The following CEP85L variants were observed in gnomAD, a reference collection of about 807,000 sequenced individuals.
CEP85L encodes the protein centrosomal protein 85L, also known as centrosomal protein of 85 kDa-like.
CEP85L carries 60 observed loss-of-function variants against 100.3 expected under a neutral mutation model. That is an observed-to-expected ratio of 0.60 (90% CI 0.49 to 0.74). CEP85L has a LOEUF of 0.74. Ranked by LOEUF, CEP85L falls within the 30% of genes least tolerant of loss-of-function variation. CEP85L has a pLI of 0.00. For missense variants in CEP85L, 973 were observed against 936.2 expected (o/e 1.04, Z -0.51); for synonymous variants, 319 against 322.7 (o/e 0.99, Z 0.12).
chr6:118,581,624 A>G (rs1780583921), intron 2 of CEP85L, among the ~76,000 whole-genome samples: 1 of 151,996 alleles, frequency 6.6e-6, no homozygotes. Flanking sequence ...CCAGGGAGGG[A>G]GACTAGTTAG....
rs58066356 is a variant in CEP85L, at chr6:118,600,370, T to TGTGTGTGTGTGG, written c.232+32082_232+32083insCCACACACACAC. On this transcript the variant is annotated intron_variant, in intron 2 of 12. Coordinates refer to ENST00000368491, the MANE Select transcript of CEP85L (RefSeq NM_001042475.3). The stretch of plus-strand genomic sequence containing the variant: ...GTGTGTGTGTGTGTGTGTGTGTGTG[T>TGTGTGTGTGTGG]AACGCCATGGAGCAATCTCAGCTCA... 4.8e-3 allele frequency among the ~76,000 whole-genome samples: 413 copies of TGTGTGTGTGTGG among 86,412 alleles called. 104 individuals carry two copies. The highest frequency in any genetic ancestry group is 0.012 in the Middle Eastern group (2 of 164). The allele number at this position is 86,412 out of a possible 152,430, so 56.7% of individuals were successfully genotyped here.
chr6:118,545,222 TA>T (rs759737655), intron 3 of CEP85L, among the ~76,000 whole-genome samples: 5 of 152,220 alleles, frequency 3.3e-5, no homozygotes, highest in Non-Finnish European at 7.3e-5. Context: ...GCCCTCCGGA[TA>T]CACCACTACA....
intron 3 of CEP85L, among the ~76,000 whole-genome samples, chr6:118,549,273 C>T (rs986475379): frequency 9.9e-5 from 15 of 151,758 alleles, no homozygotes; most frequent in Admixed American, 9.2e-4. Context: ...TTTCCTCTCT[C>T]GGATTTAGAA....
chr6:118,470,531 A>T lies in CEP85L; in HGVS notation c.2022+6T>A. ...TTCAAAGCAAAATTGAATTTCTTCT[A>T]CTCACTTCAAGCAATGCTTTTGTTA... On this transcript the variant is annotated splice_donor_region_variant and intron_variant, in intron 11 of 12. Coordinates refer to ENST00000368491, the MANE Select transcript of CEP85L (RefSeq NM_001042475.3). The T allele has an allele frequency of 6.6e-7, 1 of 1,525,008 alleles. No individual in the cohort carries two copies. The highest frequency in any genetic ancestry group is 8.9e-7 in the Non-Finnish European group (1 of 1,123,672). 94.5% of individuals were successfully genotyped at this position (1,525,008 alleles called of 1,614,324 possible). A position where few individuals can be genotyped will look rare whatever the true frequency, so the allele number is the denominator to read the frequency against.
chr6:118,490,498 TAGTGGGA>T (rs1774484280), intron 6 of CEP85L, among the ~76,000 whole-genome samples: 2 of 152,184 alleles, frequency 1.3e-5, no homozygotes. Context: ...CCAACACTAG[TAGTGGGA>T]GTATTAAATG....
intron 2 of CEP85L, among the ~76,000 whole-genome samples, chr6:118,568,645 C>T (rs1208766564): frequency 6.6e-6 from 1 of 152,082 alleles, no homozygotes; most frequent in Middle Eastern, 3.4e-3. Flanking sequence ...ATGATATGAT[C>T]AAAAAAATTG....
chr6:118,637,182 C>T (rs928687050), intron 1 of CEP85L, among the ~76,000 whole-genome samples: 3 of 152,122 alleles, frequency 2.0e-5, no homozygotes, highest in Non-Finnish European at 4.4e-5. Flanking sequence ...TAAGAAATGA[C>T]AGAGAAAATG....
intron 6 of CEP85L, among the ~76,000 whole-genome samples, chr6:118,486,460 T>C (rs1266497603): frequency 1.3e-5 from 2 of 152,196 alleles, no homozygotes; most frequent in African/African-American, 2.4e-5. Context: ...AACTCAAAGG[T>C]AACATTATTA....
At chr6:118,567,185 AC>A (rs1472765618) in intron 2 of CEP85L, among the ~76,000 whole-genome samples, 1 of 149,382 alleles carries the variant, frequency 6.7e-6, no homozygotes, top group Non-Finnish European at 1.5e-5. Flanking sequence ...ATATGTGTGT[AC>A]ATATATGTAT....
chr6:118,669,756 T>A (rs1176561325), intron 1 of CEP85L, among the ~76,000 whole-genome samples: 2 of 151,908 alleles, frequency 1.3e-5, no homozygotes, highest in African/African-American at 4.8e-5. Context: ...ACTCATATAT[T>A]TATCTCATGA....
At chr6:118,596,265 T>C (rs1046069651) in intron 2 of CEP85L, among the ~76,000 whole-genome samples, 1 of 152,170 alleles carries the variant, frequency 6.6e-6, no homozygotes, top group Non-Finnish European at 1.5e-5. Context: ...TGTTTTAAAG[T>C]TGCTATTATA....
At chr6:118,502,881 CAGA>C (rs1055917225) in intron 5 of CEP85L, 26 of 547,742 alleles carry the variant, frequency 4.7e-5, no homozygotes, top group South Asian at 3.4e-4. Flanking sequence ...GTAGATTTAA[CAGA>C]AGATCTTGAA....
rs1773803003 is a variant in CEP85L at position 118,481,796 on chromosome 6, T to G, written c.1728A>C (p.Leu576Phe). The G allele has an allele frequency of 1.3e-6, 2 of 1,584,890 alleles. No homozygotes were observed. The highest frequency in any genetic ancestry group is 2.3e-5 in the East Asian group (1 of 43,622). ...TTTCTTACCTCTGAACGGTAGTTAC[T>G]AACTCCTTTTCTTTCTTTTTCTGGC... The part of the protein sequence containing the change: ...LICQKKKEKE[L>F]VTTVQSLQQK... The change falls in exon 8 of 13, where the codon TTA (leucine) becomes TTC (phenylalanine). Residue 576 changes from leucine (L) to phenylalanine (F), a missense_variant. Coordinates refer to ENST00000368491, the MANE Select transcript of CEP85L (RefSeq NM_001042475.3).
At chr6:118,511,206 G>A (rs1775945380) in intron 5 of CEP85L, 92 bp downstream of exon 5, 5 of 801,254 alleles carry the variant, frequency 6.2e-6, no homozygotes, top group Admixed American at 4.2e-5. Flanking sequence ...ACATTATTAA[G>A]TTGATTTAAA....
intron 3 of CEP85L, among the ~76,000 whole-genome samples, chr6:118,549,532 TAATTC>T (rs1778413124): frequency 6.6e-6 from 1 of 151,864 alleles, no homozygotes; most frequent in Non-Finnish European, 1.5e-5. Context: ...TGACAAATGT[TAATTC>T]TATTGCTCAC....
At chr6:118,700,475 G>A (rs1174108165) in intron 1 of CEP85L, among the ~76,000 whole-genome samples, 1 of 152,228 alleles carries the variant, frequency 6.6e-6, no homozygotes, top group African/African-American at 2.4e-5. Context: ...GCTGAATTCT[G>A]TGTGATCTAT....
intron 10 of CEP85L, among the ~76,000 whole-genome samples, chr6:118,478,597 T>C (rs544801502): frequency 1.3e-5 from 2 of 152,232 alleles, no homozygotes; most frequent in Non-Finnish European, 2.9e-5. Context: ...TTAATAATTA[T>C]AGTGTCTAGG....
intron 1 of CEP85L, among the ~76,000 whole-genome samples, chr6:118,695,439 C>A (rs889433626): frequency 1.3e-5 from 2 of 152,212 alleles, no homozygotes; most frequent in Non-Finnish European, 2.9e-5. Flanking sequence ...GGCTCTCAAA[C>A]TTTAACATGC....
rs1173002352 is a variant in CEP85L, at chr6:118,462,288, A to G, written c.*3117T>C. 6.6e-6 allele frequency: 1 copy of G among 152,056 alleles called. No homozygotes were observed. The highest frequency in any genetic ancestry group is 1.5e-5 in the Non-Finnish European group (1 of 67,902). The allele number at this position is 152,056 out of a possible 1,614,324, so 9.4% of individuals were successfully genotyped here. A position where few individuals can be genotyped will look rare whatever the true frequency, so the allele number is the denominator to read the frequency against. The stretch of plus-strand genomic sequence containing the variant: ...AAATGACCTCAGGAATATCTTACCT[A>G]GCCAGTATTTGTGGTTTTTTGTTTT... On this transcript the variant is annotated 3_prime_UTR_variant, in exon 13 of 13. Coordinates refer to ENST00000368491, the MANE Select transcript of CEP85L (RefSeq NM_001042475.3).
Sources: allele counts gnomAD v4.1 joint callset (sites outside exome capture counted in the v4.1 genomes callset), GRCh38; gene constraint gnomAD v4.1.1; transcripts MANE v1.5; gene names NCBI Gene and HGNC (gene_info 2026-07-23, HGNC 2026-07-21).